Variants in COL20A1 observed in about 807,000 individuals in gnomAD.
COL20A1 encodes collagen alpha-1(XX) chain.
A neutral mutation model predicts 152.9 loss-of-function variants in COL20A1; 164 were observed. The ratio of observed to expected loss-of-function variants is 1.07; its 90% CI spans 0.94 to 1.22. COL20A1 has a LOEUF of 1.22. COL20A1 is among the 50% of genes most tolerant of loss of function. The pLI is 0.00. For synonymous variants in COL20A1, 864 were observed against 756.0 expected, an observed-to-expected ratio of 1.14 and a Z score of -2.34; for missense variants, 1,873 against 1,744.8, an observed-to-expected ratio of 1.07 and a Z score of -1.31.
chr20:63,313,005 G>T lies in COL20A1; in HGVS notation c.2076+71G>T. 6.5e-7 allele frequency: 1 copy of T among 1,537,728 alleles called. No homozygotes were observed. Among genetic ancestry groups the T allele is most frequent in the East Asian group, 2.5e-5 (1 of 40,714 alleles). On this transcript the variant is annotated intron_variant, in intron 16 of 35. Coordinates refer to ENST00000358894, the MANE Select transcript of COL20A1 (RefSeq NM_020882.4). The surrounding 1 kb of genome is among the most constrained non-coding windows in gnomAD (Gnocchi z 5.9). The stretch of plus-strand genomic sequence containing the variant: ...CCTAGTCCTGAAGCCAAAGTCTAGG[G>T]CTCAGAGCCATATGTGCGCCCACCC...
intron 31 of COL20A1, chr20:63,327,660 A>C (rs1045774622): frequency 2.0e-6 from 1 of 489,914 alleles, no homozygotes; most frequent in South Asian, 2.2e-5. Flanking sequence ...AGTGTCCCAC[A>C]CCCGCCATCT....
At position 63,305,516 on chromosome 20, in the gene COL20A1, T is replaced by A. The variant is rs368040086; in HGVS notation, c.293T>A (p.Leu98His). Residue 98 changes from leucine to histidine, a missense_variant, in exon 4 of 36, where the codon CTC becomes CAC. Coordinates refer to ENST00000358894, the MANE Select transcript of COL20A1 (RefSeq NM_020882.4). This position sits in a 1 kb window ranked among gnomAD's most constrained non-coding sequence, Gnocchi z 4.9. ...GGCTACACCTTGCAGATCTTCGAGC[T>A]CACTGGCTCTGGGCGCTTCCTGCTA... Reference protein sequence around the residue: ...SKGYTLQIFELTGSGRFLLAR... With the variant: ...SKGYTLQIFEHTGSGRFLLAR... The A allele has an allele frequency of 1.9e-6, 3 of 1,607,212 alleles. No homozygotes were observed. The highest frequency in any genetic ancestry group is 2.5e-6 in the Non-Finnish European group (3 of 1,177,456).
Position 63,307,513 on chromosome 20 carries a change from C to G in COL20A1, c.520C>G (p.Pro174Ala). 6.2e-7 allele frequency: 1 copy of G among 1,611,914 alleles called. No individual in the cohort carries two copies. Among genetic ancestry groups the G allele is most frequent in the Non-Finnish European group, 8.5e-7 (1 of 1,179,412 alleles). ...AGCCGGCCCCCAGTTCCGCTGCCTG[C>G]CCCCCGTGCCTGCTGACATGGTCTT... ...TPAGPQFRCL[P>A]PVPADMVFLV... Residue 174 changes from proline to alanine, a missense_variant, in exon 6 of 36, where the codon CCC becomes GCC. Pro to Ala is a conservative substitution (Grantham distance 27, BLOSUM62 -1). Coordinates refer to ENST00000358894, the MANE Select transcript of COL20A1 (RefSeq NM_020882.4).
At chr20:63,320,391 G>A in intron 25 of COL20A1, 23 bp downstream of exon 25, 4 of 1,608,398 alleles carry the variant, frequency 2.5e-6, no homozygotes, top group Non-Finnish European at 3.4e-6. Flanking sequence ...CCTTGCCCCT[G>A]TTCCACGAAG....
chr20:63,316,674 G>T lies in COL20A1; in HGVS notation c.2646G>T (p.Gln882His). The change falls in exon 21 of 36, where the codon CAG (glutamine) becomes CAT (histidine). Residue 882 changes from glutamine (Q) to histidine (H), a missense_variant. Coordinates refer to ENST00000358894, the MANE Select transcript of COL20A1 (RefSeq NM_020882.4). ...TPTFTLFKDA[Q>H]LTRRVSDVYP... Reference sequence around the variant, plus strand: ...CCTTCACGCTCTTCAAGGACGCCCAGCTGACAAGACGGGTCAGGTGTGAGG... The same window carrying T: ...CCTTCACGCTCTTCAAGGACGCCCATCTGACAAGACGGGTCAGGTGTGAGG... 1 of 1,570,188 alleles carries T rather than the reference G, an allele frequency of 6.4e-7. No individual in the cohort carries two copies.
chr20:63,315,782 A>G (rs1285517054), intron 20 of COL20A1, among the ~76,000 whole-genome samples: 4 of 152,034 alleles, frequency 2.6e-5, no homozygotes, highest in Non-Finnish European at 5.9e-5. Flanking sequence ...GAGTTGCCTG[A>G]GAGTGAGGCC....
At chr20:63,303,362 A>G (rs1469955200) in intron 3 of COL20A1, among the ~76,000 whole-genome samples, 16 of 152,162 alleles carry the variant, frequency 1.1e-4, no homozygotes, top group Admixed American at 8.5e-4. Context: ...TTAAAATTCT[A>G]TATTTATATT....
Position 63,301,502 on chromosome 20 carries a change from GA to G in COL20A1, c.193+3488del, listed in dbSNP as rs147058510. 5.3e-3 allele frequency among the ~76,000 whole-genome samples: 811 copies of G among 152,232 alleles called. 8 individuals carry two copies. Among genetic ancestry groups the G allele is most frequent in the African/African-American group, 0.018 (746 of 41,530 alleles). On this transcript the variant is annotated intron_variant, in intron 3 of 35. Coordinates refer to ENST00000358894, the MANE Select transcript of COL20A1 (RefSeq NM_020882.4). ...TTTGGGGTCTACTTATGCTGTTACTGAAAAAAGTATTTCAAATCTCCATTCT... is the reference window on the plus strand; with the variant it reads ...TTTGGGGTCTACTTATGCTGTTACTGAAAAAGTATTTCAAATCTCCATTCT...
rs543583553 is a variant in COL20A1 at position 63,328,347 on chromosome 20, C to T, written c.3630C>T (p.Phe1210=). The change falls in exon 34 of 36, where the codon TTC becomes TTT. Residue 1210 remains phenylalanine (F), a synonymous_variant. Coordinates refer to ENST00000358894, the MANE Select transcript of COL20A1 (RefSeq NM_020882.4). The part of the protein sequence containing the change: ...LVSQASHVSK[F]DSFHENTRPP... ...TCCCCACAGCACACGTGTCAAAGTT[C>T]GACTCCTTCCACGAGAACACCAGGC... 114 of 1,611,926 alleles carry T rather than the reference C, an allele frequency of 7.1e-5. 1 individual carries two copies. The East Asian group carries it at 1.4e-3, about 20-fold the overall frequency.
rs1282222916 is a variant in COL20A1, at chr20:63,297,959, G to A, written c.132G>A (p.Met44Ile). The change falls in exon 3 of 36, where the codon ATG becomes ATA. Residue 44 changes from methionine to isoleucine, a missense_variant. Physicochemically the swap from Met to Ile is conservative, Grantham distance 10 (BLOSUM62 1). Coordinates refer to ENST00000358894, the MANE Select transcript of COL20A1 (RefSeq NM_020882.4). Reference sequence around the variant, plus strand: ...TGCTGCCTGAGGACCGGCTGCAGATGAAGTGGAGAGAGTCGGAGGGGAGCG... The same window carrying A: ...TGCTGCCTGAGGACCGGCTGCAGATAAAGTGGAGAGAGTCGGAGGGGAGCG... ...LAVLPEDRLQMKWRESEGSGL... is the reference protein window; with the variant it reads ...LAVLPEDRLQIKWRESEGSGL... 1.2e-6 allele frequency: 2 copies of A among 1,613,258 alleles called. No individual in the cohort carries two copies. Among genetic ancestry groups the A allele is most frequent in the South Asian group, 2.2e-5 (2 of 91,084 alleles).
At chr20:63,326,000 T>C in intron 29 of COL20A1, 96 bp from the exon 30 acceptor site, 1 of 1,128,308 alleles carries the variant, frequency 8.9e-7, no homozygotes, top group Non-Finnish European at 1.3e-6. Flanking sequence ...CTGCTTGGGT[T>C]ACAGGGTGTG....
In COL20A1 at chr20:63,305,674, G is replaced by C; in HGVS notation, c.337+114G>C. The C allele has an allele frequency of 7.9e-7, 1 of 1,263,920 alleles. No homozygotes were observed. Among genetic ancestry groups the C allele is most frequent in the Non-Finnish European group, 1.1e-6 (1 of 924,058 alleles). The allele number at this position is 1,263,920 out of a possible 1,614,324, so 78.3% of individuals were successfully genotyped here. On this transcript the variant is annotated intron_variant, in intron 4 of 35. Coordinates refer to ENST00000358894, the MANE Select transcript of COL20A1 (RefSeq NM_020882.4). The surrounding 1 kb of genome is among the most constrained non-coding windows in gnomAD (Gnocchi z 4.9). ...GCGTTCCAGCCCCAGGGGTGGGTAT[G>C]TGTGAAGCAGTTCTGGGCTGTGCTA...
chr20:63,323,449 T>G (rs2068197546), intron 27 of COL20A1, among the ~76,000 whole-genome samples: 2 of 152,310 alleles, frequency 1.3e-5, no homozygotes, highest in African/African-American at 4.8e-5. Context: ...AAATCGCGCC[T>G]CCTCCTGGTT....
chr20:63,307,436 C>T, intron 5 of COL20A1, 54 bp from the exon 6 acceptor site: 2 of 1,546,464 alleles, frequency 1.3e-6, no homozygotes, highest in Non-Finnish European at 1.8e-6. Context: ...GATCTGGGGG[C>T]CTTGGACCAG....
rs767100958 is a variant in COL20A1 at position 63,328,419 on chromosome 20, C to G, written c.3702C>G (p.Pro1234=). 6.2e-7 allele frequency: 1 copy of G among 1,612,404 alleles called. No homozygotes were observed. The highest frequency in any genetic ancestry group is 1.1e-5 in the South Asian group (1 of 90,906). ...LEQKLEPGTE[P]LGSPGTRSKA... is the part of the protein sequence containing the mutation. ...AGAAGCTGGAGCCGGGCACTGAGCCCCTGGGGTCCCCTGGCACCCGCAGCA... is the reference window on the plus strand; with the variant it reads ...AGAAGCTGGAGCCGGGCACTGAGCCGCTGGGGTCCCCTGGCACCCGCAGCA... Residue 1234 remains proline, a synonymous_variant, in exon 34 of 36, where the codon CCC becomes CCG. Coordinates refer to ENST00000358894, the MANE Select transcript of COL20A1 (RefSeq NM_020882.4).
At chr20:63,317,465 TAAAA>T (rs78678381) in intron 21 of COL20A1, among the ~76,000 whole-genome samples, 14 of 114,540 alleles carry the variant, frequency 1.2e-4, no homozygotes, top group African/African-American at 3.0e-4. Flanking sequence ...CTCCGTCCCT[TAAAA>T]AAAAAAAAAA....
intron 1 of COL20A1, among the ~76,000 whole-genome samples, chr20:63,294,553 C>T (rs1312109045): frequency 6.6e-6 from 1 of 152,022 alleles, no homozygotes; most frequent in Non-Finnish European, 1.5e-5. Context: ...CCTGCACCCC[C>T]GGCTGGCGTC....
In COL20A1 at chr20:63,334,096, C is replaced by G. The variant is rs1163660357; in HGVS notation, c.*3380C>G. 6.6e-6 allele frequency: 1 copy of G among 152,204 alleles called. No homozygotes were observed. Among genetic ancestry groups the G allele is most frequent in the Non-Finnish European group, 1.5e-5 (1 of 68,042 alleles). 9.4% of individuals were successfully genotyped at this position (152,204 alleles called of 1,614,324 possible). ...TTGCCCAGTGGAGAAACACTCTCCT[C>G]TCATGTGTGGAATATCCACACACTA... On this transcript the variant is annotated 3_prime_UTR_variant, in exon 36 of 36. Coordinates refer to ENST00000358894, the MANE Select transcript of COL20A1 (RefSeq NM_020882.4).
chr20:63,325,355 G>A (rs750778573), intron 27 of COL20A1, 86 bp from the exon 28 acceptor site: 5 of 1,033,804 alleles, frequency 4.8e-6, no homozygotes, highest in Admixed American at 1.8e-5. Flanking sequence ...GTGCAGTCCA[G>A]GGGCCTGTGG....
Sources: allele counts gnomAD v4.1 joint callset (sites outside exome capture counted in the v4.1 genomes callset), GRCh38; gene constraint gnomAD v4.1.1; non-coding constraint Gnocchi (gnomAD v3.1); transcripts MANE v1.5; gene names NCBI Gene and HGNC (gene_info 2026-07-23, HGNC 2026-07-21).